The following SCHIP1 variants were observed in gnomAD, a reference collection of about 807,000 sequenced individuals.
SCHIP1 encodes the protein schwannomin-interacting protein 1.
In SCHIP1, 8 loss-of-function variants were observed where a neutral mutation model predicts 29.7. The observed-to-expected ratio is 0.27, with a 90% CI of 0.16 to 0.49. The LOEUF (loss-of-function observed/expected upper bound fraction) is 0.49, where lower values mean the gene tolerates loss of function less well. Among genes scored for constraint, SCHIP1 ranks in the 20% least tolerant of loss-of-function variants. SCHIP1 has a pLI of 0.99. For synonymous variants in SCHIP1, 76 were observed against 94.9 expected (o/e 0.80, Z 1.16); for missense variants, 193 against 294.6 (o/e 0.66, Z 2.52).
At chr3:159,646,147 T>A in the SCHIP1 span, among the ~76,000 whole-genome samples, 3 of 152,150 alleles carry the variant, frequency 2.0e-5, no homozygotes, top group African/African-American at 4.8e-5. Context: ...TTTACTCTGA[T>A]CCATGGGGGA....
At chr3:159,543,830 A>C in the SCHIP1 span, among the ~76,000 whole-genome samples, 1 of 152,172 alleles carries the variant, frequency 6.6e-6, no homozygotes, top group African/African-American at 2.4e-5. Flanking sequence ...TTACAGTCCC[A>C]CCAACAGTGT....
chr3:159,856,743 G>A (rs879076017), intron 1 of SCHIP1, among the ~76,000 whole-genome samples: 4 of 152,290 alleles, frequency 2.6e-5, no homozygotes, highest in Admixed American at 2.6e-4. Flanking sequence ...TGAAAGATTA[G>A]GGAGGACCCT....
chr3:159,576,537 T>C, the SCHIP1 span, among the ~76,000 whole-genome samples: 1 of 152,244 alleles, frequency 6.6e-6, no homozygotes, highest in East Asian at 1.9e-4. Flanking sequence ...TAGTCATTTA[T>C]TAATTCTGCA....
chr3:159,311,108 A>G, the SCHIP1 span, among the ~76,000 whole-genome samples: 1 of 152,090 alleles, frequency 6.6e-6, no homozygotes, highest in South Asian at 2.1e-4. Context: ...CTTCTCTGCA[A>G]TTGTTTAAAT....
the SCHIP1 span, among the ~76,000 whole-genome samples, chr3:159,718,544 G>C: frequency 1.4e-4 from 21 of 152,158 alleles, 1 homozygote; most frequent in African/African-American, 2.2e-4. Flanking sequence ...TCTCAGGATA[G>C]AAAATCAATG....
chr3:159,664,060 T>C, the SCHIP1 span, among the ~76,000 whole-genome samples: 1 of 152,226 alleles, frequency 6.6e-6, no homozygotes, highest in Non-Finnish European at 1.5e-5. Context: ...CTCTTTTTAT[T>C]TGGTCCTTTT....
chr3:159,582,021 A>C, the SCHIP1 span, among the ~76,000 whole-genome samples: 1 of 152,308 alleles, frequency 6.6e-6, no homozygotes, highest in African/African-American at 2.4e-5. Context: ...ATCATGAGTT[A>C]TATTTACATA....
chr3:159,840,848 T>G (rs1309863378), intron 1 of SCHIP1, among the ~76,000 whole-genome samples: 1 of 152,196 alleles, frequency 6.6e-6, no homozygotes, highest in Non-Finnish European at 1.5e-5. Flanking sequence ...TGTATGCTAA[T>G]TTGCTACTGG....
At chr3:159,418,111 A>T in the SCHIP1 span, among the ~76,000 whole-genome samples, 2 of 152,230 alleles carry the variant, frequency 1.3e-5, no homozygotes, top group African/African-American at 4.8e-5. Flanking sequence ...GACAGTAGGT[A>T]ACTAATACGT....
chr3:159,338,121 A>G, the SCHIP1 span, among the ~76,000 whole-genome samples: 1 of 152,206 alleles, frequency 6.6e-6, no homozygotes, highest in African/African-American at 2.4e-5. Context: ...ACGGCAGTGA[A>G]CAAAGCAGAC....
the SCHIP1 span, among the ~76,000 whole-genome samples, chr3:159,549,292 C>G: frequency 9.9e-5 from 15 of 152,270 alleles, no homozygotes; most frequent in African/African-American, 1.7e-4. Flanking sequence ...TCTGATTCTT[C>G]AGGCAAAGGG....
At chr3:159,400,304 A>C in the SCHIP1 span, among the ~76,000 whole-genome samples, 6 of 152,258 alleles carry the variant, frequency 3.9e-5, no homozygotes, top group Non-Finnish European at 7.3e-5. Flanking sequence ...GGTAGGGGAG[A>C]GTATTCACCT....
At chr3:159,853,475 T>A (rs1223502455) in intron 1 of SCHIP1, 6 of 688,620 alleles carry the variant, frequency 8.7e-6, no homozygotes, top group Non-Finnish European at 1.6e-5. Flanking sequence ...GGGAGAGCTC[T>A]TTTGTTTATA....
chr3:159,666,206 C>A, the SCHIP1 span, among the ~76,000 whole-genome samples: 1 of 152,202 alleles, frequency 6.6e-6, no homozygotes, highest in Non-Finnish European at 1.5e-5. Context: ...GCACACTGAG[C>A]AACTCCATAG....
At chr3:159,886,347 G>A in intron 3 of SCHIP1, 23 bp downstream of exon 4, 2 of 1,603,464 alleles carry the variant, frequency 1.2e-6, no homozygotes, top group Non-Finnish European at 1.7e-6. Context: ...AGCACCAGCT[G>A]AAGCTCGGTG....
chr3:159,863,970 T>C (rs1714337241), intron 1 of SCHIP1, among the ~76,000 whole-genome samples: 1 of 152,226 alleles, frequency 6.6e-6, no homozygotes, highest in African/African-American at 2.4e-5. Context: ...TAGGCTAATG[T>C]CAGGCCAGCA....
intron 1 of SCHIP1, among the ~76,000 whole-genome samples, chr3:159,864,610 G>C (rs979090850): frequency 1.9e-4 from 29 of 151,974 alleles, no homozygotes; most frequent in Admixed American, 1.8e-3. Flanking sequence ...GTGTACAGTA[G>C]AAAGAATGCT....
chr3:159,497,016 A>G, the SCHIP1 span, among the ~76,000 whole-genome samples: 3 of 152,178 alleles, frequency 2.0e-5, no homozygotes, highest in African/African-American at 7.2e-5. Context: ...CAAAAAGCCA[A>G]ACACCACATG....
the SCHIP1 span, among the ~76,000 whole-genome samples, chr3:159,511,886 A>T: frequency 6.6e-6 from 1 of 152,250 alleles, no homozygotes; most frequent in South Asian, 2.1e-4. Flanking sequence ...ACAAAACTTT[A>T]AATCTTTTAT....
Sources: gnomAD v4.1 joint callset for allele counts (sites outside exome capture counted in the v4.1 genomes callset) on GRCh38, gnomAD v4.1.1 for gene constraint, MANE v1.5 for transcripts, NCBI Gene and HGNC (gene_info 2026-07-23, HGNC 2026-07-21) for gene names.